The following SEMA3D variants were observed in gnomAD, a reference collection of about 807,000 sequenced individuals.
SEMA3D encodes semaphorin-3D.
SEMA3D carries 84 observed loss-of-function variants against 100.1 expected under a neutral mutation model. That is an observed-to-expected ratio of 0.84 (90% CI 0.70 to 1.01). The LOEUF (loss-of-function observed/expected upper bound fraction) is 1.01, where lower values mean the gene tolerates loss of function less well. Among genes scored for constraint, SEMA3D ranks in the 50% least tolerant of loss-of-function variants. The probability of loss-of-function intolerance (pLI) is 0.00; values close to 1 mark genes in which losing one functional copy is unlikely to be tolerated. For synonymous variants in SEMA3D, 312 were observed against 320.7 expected (o/e 0.97, Z 0.29); for missense variants, 875 against 934.1 (o/e 0.94, Z 0.82).
the SEMA3D span, among the ~76,000 whole-genome samples, chr7:85,228,120 CAT>C: frequency 1.3e-5 from 2 of 152,194 alleles, no homozygotes; most frequent in South Asian, 2.1e-4. Flanking sequence ...AAAAATGACA[CAT>C]CTCTCTTAAA....
chr7:85,151,834 TA>T (rs1562836773), intron 2 of SEMA3D: 16 of 639,850 alleles, frequency 2.5e-5, no homozygotes, highest in East Asian at 1.4e-4. Context: ...AGACTGTCTG[TA>T]AAAAAAAGTT....
Position 84,997,276 on chromosome 7 carries a change from A to T in SEMA3D, c.*2164T>A, listed in dbSNP as rs1789527821. 6.6e-6 allele frequency: 1 copy of T among 152,046 alleles called. No individual in the cohort carries two copies. Among genetic ancestry groups the T allele is most frequent in the Admixed American group, 6.6e-5 (1 of 15,244 alleles). 9.4% of individuals were successfully genotyped at this position (152,046 alleles called of 1,614,324 possible). A position where few individuals can be genotyped will look rare whatever the true frequency, so the allele number is the denominator to read the frequency against. ...ATTTTCCAAAGTCATTCATATTTTG[A>T]TCATTACTGTCGGACCCACAAATAT... On this transcript the variant is annotated 3_prime_UTR_variant, in exon 19 of 19. Transcript: ENST00000284136.
chr7:85,088,613 A>C (rs968851099), intron 4 of SEMA3D, among the ~76,000 whole-genome samples: 1 of 152,224 alleles, frequency 6.6e-6, no homozygotes, highest in Non-Finnish European at 1.5e-5. Context: ...CAGGACAGGG[A>C]GGTGTTTTCC....
Position 85,161,871 on chromosome 7 carries a change from A to G in SEMA3D, c.-172-8132T>C, listed in dbSNP as rs28589986. On this transcript the variant is annotated intron_variant, in intron 1 of 18. Coordinates refer to ENST00000284136, the MANE Select transcript of SEMA3D (RefSeq NM_001384900.1). ...TGCCGCATACAAATATATTTTTATT[A>G]AAACTCAAAGTGAAGATTTCTGCAT... Among the ~76,000 whole-genome samples, 705 of 152,290 alleles carry G rather than the reference A, an allele frequency of 4.6e-3. 2 individuals carry two copies. The highest frequency in any genetic ancestry group is 0.016 in the African/African-American group (679 of 41,586).
chr7:85,089,602 G>A (rs1158199224), intron 4 of SEMA3D, among the ~76,000 whole-genome samples: 4 of 152,236 alleles, frequency 2.6e-5, no homozygotes, highest in African/African-American at 7.2e-5. Context: ...TTGCAAGGCC[G>A]GGTGCCATGG....
At chr7:85,202,695 A>G in the SEMA3D span, among the ~76,000 whole-genome samples, 1 of 152,174 alleles carries the variant, frequency 6.6e-6, no homozygotes, top group Non-Finnish European at 1.5e-5. Flanking sequence ...ATGAACAGAC[A>G]CTTCTCAAAA....
chr7:85,081,705 G>T (rs1788071851), intron 4 of SEMA3D, 126 bp from the exon 5 acceptor site: 4 of 642,804 alleles, frequency 6.2e-6, no homozygotes, highest in South Asian at 4.3e-5. Context: ...TAGAGTCAAT[G>T]TGGGAAATTT....
the SEMA3D span, among the ~76,000 whole-genome samples, chr7:85,206,381 G>C: frequency 6.6e-6 from 1 of 152,074 alleles, no homozygotes; most frequent in Non-Finnish European, 1.5e-5. Flanking sequence ...AGGATGAAGG[G>C]GGGAAATAGA....
intron 18 of SEMA3D, among the ~76,000 whole-genome samples, chr7:85,005,532 T>C (rs2115737108): frequency 6.6e-6 from 1 of 152,186 alleles, no homozygotes; most frequent in South Asian, 2.1e-4. Context: ...AAAAAGTTAT[T>C]CTTGTAGCTG....
Position 85,052,360 on chromosome 7 carries a change from C to G in SEMA3D, c.861+3357G>C, listed in dbSNP as rs60104581. 7.2e-3 allele frequency among the ~76,000 whole-genome samples: 1,095 copies of G among 152,050 alleles called. 14 individuals carry two copies. Among genetic ancestry groups the G allele is most frequent in the African/African-American group, 0.025 (1,031 of 41,526 alleles). ...ACATGGAAACAAAACTTCTTATCAA[C>G]CAACTTACCACTCTAATCTCAAAAG... On this transcript the variant is annotated intron_variant, in intron 9 of 18. Transcript: ENST00000284136.
chr7:85,181,140 C>T (rs974106220), intron 1 of SEMA3D, among the ~76,000 whole-genome samples: 2 of 152,104 alleles, frequency 1.3e-5, no homozygotes, highest in Non-Finnish European at 2.9e-5. Flanking sequence ...TGGCTAAGAT[C>T]GTGAGATAGG....
the SEMA3D span, among the ~76,000 whole-genome samples, chr7:85,230,283 G>A: frequency 6.6e-6 from 1 of 152,038 alleles, no homozygotes; most frequent in Non-Finnish European, 1.5e-5. Flanking sequence ...TTTCAATAAT[G>A]GCATTGCTTG....
the SEMA3D span, among the ~76,000 whole-genome samples, chr7:85,234,781 T>C: frequency 3.9e-5 from 6 of 152,212 alleles, no homozygotes; most frequent in South Asian, 1.2e-3. Flanking sequence ...ATGAAGCAAA[T>C]AGTATTATTC....
chr7:85,101,279 T>C (rs984128560), intron 3 of SEMA3D, among the ~76,000 whole-genome samples: 5 of 152,054 alleles, frequency 3.3e-5, no homozygotes, highest in Admixed American at 1.3e-4. Flanking sequence ...GGGGTTTATT[T>C]TGACCCAACT....
the SEMA3D span, among the ~76,000 whole-genome samples, chr7:85,193,193 A>G: frequency 6.6e-6 from 1 of 152,152 alleles, no homozygotes; most frequent in African/African-American, 2.4e-5. Flanking sequence ...CAGAATCACA[A>G]TTTACCAGGA....
chr7:85,185,230 T>C (rs373578722), intron 1 of SEMA3D, among the ~76,000 whole-genome samples: 56 of 152,036 alleles, frequency 3.7e-4, no homozygotes, highest in South Asian at 1.0e-3. Flanking sequence ...GCGGTTGCCA[T>C]GGTTACACAA....
At chr7:85,089,912 A>C (rs1467420456) in intron 4 of SEMA3D, among the ~76,000 whole-genome samples, 1 of 152,086 alleles carries the variant, frequency 6.6e-6, no homozygotes, top group East Asian at 1.9e-4. Flanking sequence ...CAAACAAAAA[A>C]ACACCTACAA....
chr7:85,091,717 T>C (rs1412603745), intron 4 of SEMA3D, among the ~76,000 whole-genome samples: 1 of 152,082 alleles, frequency 6.6e-6, no homozygotes, highest in African/African-American at 2.4e-5. Flanking sequence ...TTAAACCATA[T>C]TGTACAAATG....
chr7:85,103,155 C>T (rs1047064897), intron 3 of SEMA3D, among the ~76,000 whole-genome samples: 6 of 151,922 alleles, frequency 3.9e-5, no homozygotes, highest in African/African-American at 1.4e-4. Context: ...GTATTTCTGC[C>T]AAACCAAGCA....
Sources: allele counts gnomAD v4.1 joint callset (sites outside exome capture counted in the v4.1 genomes callset), GRCh38; gene constraint gnomAD v4.1.1; transcripts MANE v1.5; gene names NCBI Gene and HGNC (gene_info 2026-07-23, HGNC 2026-07-21).